Variants in CROCC observed in about 807,000 individuals in gnomAD.
CROCC encodes the protein rootletin.
In CROCC, 180 loss-of-function variants were observed where a neutral mutation model predicts 245.2. That is an observed-to-expected ratio of 0.73 (90% CI 0.65 to 0.83). The LOEUF (loss-of-function observed/expected upper bound fraction) is 0.83. Among genes scored for constraint, CROCC ranks in the 40% least tolerant of loss-of-function variants. CROCC has a pLI of 0.00. For synonymous variants in CROCC, 1,205 were observed against 1,241.6 expected (o/e 0.97, Z 0.62); for missense variants, 2,688 against 2,779.4 (o/e 0.97, Z 0.74).
chr1:16,933,382 G>A (rs1427644957), intron 8 of CROCC, among the ~76,000 whole-genome samples: 4 of 152,354 alleles, frequency 2.6e-5, no homozygotes, highest in East Asian at 1.9e-4. Context: ...CCCCAGACTC[G>A]CCTGAACCCA....
chr1:16,940,191 G>A, intron 13 of CROCC, 98 bp downstream of exon 13: 1 of 1,276,416 alleles, frequency 7.8e-7, no homozygotes, highest in South Asian at 1.4e-5. Flanking sequence ...CACTAATATG[G>A]TCGCCACTAG....
chr1:16,942,120 T>C (rs1030395590), intron 13 of CROCC, among the ~76,000 whole-genome samples: 4 of 152,256 alleles, frequency 2.6e-5, no homozygotes, highest in African/African-American at 9.6e-5. Flanking sequence ...AAGTGATCCT[T>C]CCATCTCAGC....
chr1:16,972,092 T>C (rs1364129584), intron 36 of CROCC, among the ~76,000 whole-genome samples: 2 of 152,190 alleles, frequency 1.3e-5, no homozygotes, highest in Non-Finnish European at 2.9e-5. Context: ...TGTCCACCCC[T>C]TGGGTCTGGG....
intron 19 of CROCC, among the ~76,000 whole-genome samples, chr1:16,950,384 G>T (rs2076138751): frequency 6.6e-6 from 1 of 150,628 alleles, no homozygotes; most frequent in South Asian, 2.1e-4. Flanking sequence ...TTGAGGCAGA[G>T]TCTCACTCTT....
intron 8 of CROCC, among the ~76,000 whole-genome samples, chr1:16,934,034 A>G (rs572186585): frequency 7.2e-5 from 11 of 152,366 alleles, no homozygotes; most frequent in African/African-American, 2.6e-4. Flanking sequence ...GCTAGGTCAG[A>G]TTCAGGTTCT....
chr1:16,925,029 C>T (rs1237139052), intron 3 of CROCC, among the ~76,000 whole-genome samples: 8 of 152,282 alleles, frequency 5.3e-5, no homozygotes, highest in African/African-American at 9.6e-5. Flanking sequence ...TCACATCACC[C>T]GTGCTGCAGG....
At chr1:16,919,388 A>G (rs533561956), upstream of CROCC, among the ~76,000 whole-genome samples, 2 of 152,402 alleles carry the variant, frequency 1.3e-5, no homozygotes, top group South Asian at 2.1e-4. Context: ...TCATCTGGAA[A>G]TAGGTTGAAG....
At chr1:16,963,099 C>T (rs896651643) in intron 27 of CROCC, among the ~76,000 whole-genome samples, 2 of 150,330 alleles carry the variant, frequency 1.3e-5, no homozygotes, top group Non-Finnish European at 2.9e-5. Flanking sequence ...AGGAGAATCT[C>T]TTGAAACCAG....
rs113489110 is a variant in CROCC at position 16,972,570 on chromosome 1, G to A, written c.*124G>A. ...TCAAGCTGGGGTGGGATGAGGAGGC[G>A]CTCTGCTGGCAGTGCTGAGGACGGG... On this transcript the variant is annotated 3_prime_UTR_variant, in exon 37 of 37. Transcript: ENST00000375541. The A allele has an allele frequency of 3.3e-4, 208 of 624,886 alleles. No individual in the cohort carries two copies. The highest frequency in any genetic ancestry group is 1.3e-3 in the Admixed American group (39 of 29,060). 38.7% of individuals were successfully genotyped at this position (624,886 alleles called of 1,614,324 possible).
intron 3 of CROCC, among the ~76,000 whole-genome samples, chr1:16,925,035 G>T (rs2075502123): frequency 6.6e-6 from 1 of 152,298 alleles, no homozygotes; most frequent in Non-Finnish European, 1.5e-5. Flanking sequence ...CACCCGTGCT[G>T]CAGGCTTGTG....
chr1:16,931,626 T>C (rs2075679729), intron 8 of CROCC, among the ~76,000 whole-genome samples: 1 of 152,276 alleles, frequency 6.6e-6, no homozygotes, highest in South Asian at 2.1e-4. Context: ...CTAATATTCA[T>C]AGCTTCCCTG....
At chr1:16,924,873 G>A (rs1243682958) in intron 3 of CROCC, among the ~76,000 whole-genome samples, 2 of 152,280 alleles carry the variant, frequency 1.3e-5, no homozygotes, top group African/African-American at 4.8e-5. Flanking sequence ...GCGGTGGCTG[G>A]ATGCTGGCTC....
intron 27 of CROCC, 32 bp downstream of exon 27, chr1:16,961,162 G>T (rs938937832): frequency 1.5e-6 from 2 of 1,291,678 alleles, no homozygotes; most frequent in African/African-American, 3.1e-5. Flanking sequence ...GGGAAGGGGG[G>T]AGGTGGGCGG....
chr1:16,933,236 C>T (rs1388937589), intron 8 of CROCC, among the ~76,000 whole-genome samples: 2 of 152,188 alleles, frequency 1.3e-5, no homozygotes, highest in East Asian at 1.9e-4. Flanking sequence ...GAGGCCGAGG[C>T]GGGCGGACCA....
chr1:16,924,846 C>T (rs1172302288), intron 3 of CROCC, among the ~76,000 whole-genome samples: 1 of 152,278 alleles, frequency 6.6e-6, no homozygotes, highest in Non-Finnish European at 1.5e-5. Context: ...CCCATTGCCA[C>T]GGGCCTTGGG....
At chr1:16,952,346 G>A (rs113248820) in intron 20 of CROCC, among the ~76,000 whole-genome samples, 16 of 151,986 alleles carry the variant, frequency 1.1e-4, no homozygotes, top group Non-Finnish European at 1.6e-4. Context: ...TTAGCTGGGC[G>A]TGGTGGCACG....
Position 16,954,628 on chromosome 1 carries a change from G to A in CROCC, c.3322-106G>A. The A allele has an allele frequency of 7.1e-7, 1 of 1,408,084 alleles. No individual in the cohort carries two copies. Among genetic ancestry groups the A allele is most frequent in the Non-Finnish European group, 9.5e-7 (1 of 1,057,414 alleles). The allele number at this position is 1,408,084 out of a possible 1,614,324, so 87.2% of individuals were successfully genotyped here. On this transcript the variant is annotated intron_variant, in intron 22 of 36. Coordinates refer to ENST00000375541, the MANE Select transcript of CROCC (RefSeq NM_014675.5). This position sits in a 1 kb window ranked among gnomAD's most constrained non-coding sequence, Gnocchi z 4.4. ...CAGAGGGTCCGGCAGGCCAGCGGGA[G>A]GGGCCGTGTTTAGAGCTAAAAGTGG...
At chr1:16,952,094 T>G (rs2076170924) in intron 20 of CROCC, 1 of 151,656 alleles carries the variant, frequency 6.6e-6, no homozygotes, top group Non-Finnish European at 1.5e-5. Context: ...TTCACCATAT[T>G]GGTCAGGGTG....
chr1:16,972,246 G>A, intron 36 of CROCC, 114 bp from the exon 37 acceptor site: 1 of 848,332 alleles, frequency 1.2e-6, no homozygotes, highest in Admixed American at 1.8e-5. Flanking sequence ...CTCTCAGTGA[G>A]ACCAGACCTT....
Sources: allele counts gnomAD v4.1 joint callset (sites outside exome capture counted in the v4.1 genomes callset), GRCh38; gene constraint gnomAD v4.1.1; non-coding constraint Gnocchi (gnomAD v3.1); transcripts MANE v1.5; gene names NCBI Gene and HGNC (gene_info 2026-07-23, HGNC 2026-07-21).